The following ATAD3A variants were observed in gnomAD, a reference collection of about 807,000 sequenced individuals.
The protein encoded by ATAD3A is ATPase family AAA domain-containing protein 3A.
ATAD3A carries 46 observed loss-of-function variants against 73.8 expected under a neutral mutation model. That is an observed-to-expected ratio of 0.62 (90% CI 0.49 to 0.80). ATAD3A has a LOEUF of 0.80. ATAD3A is among the 30% of genes least tolerant of loss of function. ATAD3A has a pLI of 0.00. For synonymous variants in ATAD3A, 319 were observed against 350.0 expected (o/e 0.91, Z 0.99); for missense variants, 705 against 838.0 (o/e 0.84, Z 1.96).
Position 1,534,027 on chromosome 1 carries a change from G to C in ATAD3A, c.1716G>C (p.Leu572=), listed in dbSNP as rs749485181. The C allele has an allele frequency of 3.1e-6, 5 of 1,613,664 alleles. No homozygotes were observed. The South Asian group carries it at 5.5e-5, about 18-fold the overall frequency. Residue 572 remains leucine (L), a synonymous_variant, in exon 16 of 16, where the codon CTG becomes CTC. Transcript: ENST00000378756. ...VQQHQQKMCW[L]KAEGPGRGDE... ...AGCACCAGCAGAAGATGTGCTGGCT[G>C]AAGGCGGAAGGGCCTGGGCGTGGGG...
chr1:1,514,045 G>A (rs1641280005), intron 1 of ATAD3A, among the ~76,000 whole-genome samples: 1 of 152,104 alleles, frequency 6.6e-6, no homozygotes. Flanking sequence ...GTGCCTGGAG[G>A]AGAGCCTCGT....
At chr1:1,514,211 A>G (rs144094893) in intron 1 of ATAD3A, among the ~76,000 whole-genome samples, 28,962 of 147,702 alleles carry the variant, frequency 0.2, 4,434 homozygotes, top group African/African-American at 0.51. Context: ...CACTGGGGGT[A>G]GGAACTGTCA....
chr1:1,527,958 C>CG, intron 14 of ATAD3A, 96 bp downstream of exon 14: 8 of 981,020 alleles, frequency 8.2e-6, no homozygotes, highest in Non-Finnish European at 1.1e-5. Flanking sequence ...TTTAACATTC[C>CG]TTTTTTTTTT....
At chr1:1,522,138 C>T (rs1175202715) in intron 7 of ATAD3A, among the ~76,000 whole-genome samples, 2 of 152,134 alleles carry the variant, frequency 1.3e-5, no homozygotes, top group African/African-American at 4.8e-5. Flanking sequence ...CTTCCGGGTT[C>T]AAGAGATTCT....
rs745668318 is a variant in ATAD3A, at chr1:1,512,213, G to A, written c.-56G>A. The A allele has an allele frequency of 8.0e-7, 1 of 1,250,182 alleles. No individual in the cohort carries two copies. Among genetic ancestry groups the A allele is most frequent in the Non-Finnish European group, 1.0e-6 (1 of 994,098 alleles). The allele number at this position is 1,250,182 out of a possible 1,614,324, so 77.4% of individuals were successfully genotyped here. On this transcript the variant is annotated 5_prime_UTR_variant, in exon 1 of 16. Coordinates refer to ENST00000378756, the MANE Select transcript of ATAD3A (RefSeq NM_001170535.3). The stretch of plus-strand genomic sequence containing the variant: ...GCGTGGAGGCTGCTCCCAGCCGCGC[G>A]CGAGTCAGACTCGGGTGGGGGTCCC...
intron 15 of ATAD3A, 114 bp from the exon 16 acceptor site, chr1:1,533,812 C>T: frequency 2.2e-6 from 3 of 1,395,022 alleles, no homozygotes; most frequent in South Asian, 2.9e-5. Flanking sequence ...GTGTTTCACG[C>T]TCAGGCCATC....
At chr1:1,528,116 T>C (rs1432826603) in intron 14 of ATAD3A, among the ~76,000 whole-genome samples, 1 of 152,046 alleles carries the variant, frequency 6.6e-6, no homozygotes, top group African/African-American at 2.4e-5. Context: ...CCCACCACCA[T>C]GCCTGGCTAA....
chr1:1,522,601 G>T, intron 7 of ATAD3A, 143 bp from the exon 8 acceptor site: 2 of 1,480,274 alleles, frequency 1.4e-6, no homozygotes, highest in East Asian at 2.4e-5. Context: ...TCGGGGCCGG[G>T]AATTCGCGTT....
At chr1:1,533,092 T>C (rs576457060) in intron 15 of ATAD3A, among the ~76,000 whole-genome samples, 5 of 152,264 alleles carry the variant, frequency 3.3e-5, no homozygotes, top group Non-Finnish European at 7.4e-5. Context: ...GGGAGGATGG[T>C]GTGCTGCTGC....
intron 15 of ATAD3A, among the ~76,000 whole-genome samples, chr1:1,529,549 G>T (rs1373360645): frequency 1.3e-5 from 2 of 152,252 alleles, no homozygotes; most frequent in African/African-American, 2.4e-5. Flanking sequence ...CCATGTCGGT[G>T]GCTGACAGTC....
At chr1:1,517,681 C>G (rs749100321) in intron 3 of ATAD3A, 35 bp from the exon 4 acceptor site, 46 of 1,170,900 alleles carry the variant, frequency 3.9e-5, no homozygotes, top group Non-Finnish European at 5.6e-5. Context: ...CAGCTCCCGG[C>G]TGAGATGTGT....
rs750179891 is a variant in ATAD3A at position 1,522,893 on chromosome 1, C to T, written c.900C>T (p.Pro300=). ...RITVLEALRH[P]IQVSRRLLSR... ...CGGTGCTTGAGGCGCTGCGGCACCC[C>T]ATCCAGGTAGCAGCGCAGGCCTGGC... The change falls in exon 8 of 16, where the codon CCC becomes CCT. Residue 300 remains proline (P), a synonymous_variant. Transcript: ENST00000378756. The T allele has an allele frequency of 9.3e-6, 15 of 1,607,988 alleles. No homozygotes were observed. In the Admixed American group the frequency reaches 1.7e-4, roughly 18 times the overall value.
At chr1:1,528,102 G>T (rs1486142642) in intron 14 of ATAD3A, among the ~76,000 whole-genome samples, 2 of 151,940 alleles carry the variant, frequency 1.3e-5, no homozygotes, top group African/African-American at 2.4e-5. Flanking sequence ...TGAGATTACA[G>T]GCGCCCACCA....
intron 4 of ATAD3A, 73 bp from the exon 5 acceptor site, chr1:1,518,848 A>G: frequency 1.9e-6 from 3 of 1,609,564 alleles, no homozygotes; most frequent in Non-Finnish European, 2.5e-6. Context: ...ACTCGGGCAC[A>G]GTCATCCCCC....
chr1:1,527,772 A>C lies in ATAD3A; in HGVS notation c.1415A>C (p.His472Pro), dbSNP rs779907700. 9 of 1,613,844 alleles carry C rather than the reference A, an allele frequency of 5.6e-6. No homozygotes were observed. The African/African-American group carries it at 1.1e-4, about 19-fold the overall frequency. ...AATGACCGCATCAATGAGATGGTCC[A>C]CTTCGACCTGCCAGGGCAGGAGGAA... ...AINDRINEMV[H>P]FDLPGQEERE... The change falls in exon 14 of 16, where the codon CAC (histidine) becomes CCC (proline). Residue 472 changes from histidine (H) to proline (P), a missense_variant. By Grantham distance (77) the His-to-Pro change is moderately conservative. Coordinates refer to ENST00000378756, the MANE Select transcript of ATAD3A (RefSeq NM_001170535.3).
rs982886083 is a variant in ATAD3A at position 1,512,208 on chromosome 1, C to A, written c.-61C>A. 1.6e-6 allele frequency: 2 copies of A among 1,242,268 alleles called. No individual in the cohort carries two copies. The highest frequency in any genetic ancestry group is 1.6e-5 in the African/African-American group (1 of 64,064). 77.0% of individuals were successfully genotyped at this position (1,242,268 alleles called of 1,614,324 possible). On this transcript the variant is annotated 5_prime_UTR_variant, in exon 1 of 16. Coordinates refer to ENST00000378756, the MANE Select transcript of ATAD3A (RefSeq NM_001170535.3). Reference sequence around the variant, plus strand: ...GCGGCGCGTGGAGGCTGCTCCCAGCCGCGCGCGAGTCAGACTCGGGTGGGG... The same window carrying A: ...GCGGCGCGTGGAGGCTGCTCCCAGCAGCGCGCGAGTCAGACTCGGGTGGGG...
rs1641660379 is a variant in ATAD3A at position 1,522,984 on chromosome 1, C to G, written c.906+85C>G. 9.1e-6 allele frequency: 14 copies of G among 1,541,016 alleles called. No individual in the cohort carries two copies. The African/African-American group carries it at 1.3e-4, about 14-fold the overall frequency. The stretch of plus-strand genomic sequence containing the variant: ...ACGAGCACAGCCCACGCACACCCTC[C>G]CGTCCCTTCCCTTTCCCCGGATAAC... On this transcript the variant is annotated intron_variant, in intron 8 of 15. Coordinates refer to ENST00000378756, the MANE Select transcript of ATAD3A (RefSeq NM_001170535.3).
chr1:1,525,570 A>C (rs1378611341), intron 12 of ATAD3A, among the ~76,000 whole-genome samples: 1 of 151,822 alleles, frequency 6.6e-6, no homozygotes, highest in Admixed American at 6.6e-5. Context: ...TCCCGCCACC[A>C]CACCTGGCTA....
intron 15 of ATAD3A, 33 bp downstream of exon 15, chr1:1,529,364 G>A: frequency 6.5e-7 from 1 of 1,530,590 alleles, no homozygotes; most frequent in South Asian, 1.2e-5. Flanking sequence ...CACCCAGACG[G>A]GACCCCAGCT....
Sources: gnomAD v4.1 joint callset for allele counts (sites outside exome capture counted in the v4.1 genomes callset) on GRCh38, gnomAD v4.1.1 for gene constraint, MANE v1.5 for transcripts, NCBI Gene and HGNC (gene_info 2026-07-23, HGNC 2026-07-21) for gene names.